Variants in AFG3L2 observed in about 807,000 individuals in gnomAD.
The protein encoded by AFG3L2 is mitochondrial inner membrane m-AAA protease component AFG3L2.
A neutral mutation model predicts 94.5 loss-of-function variants in AFG3L2; 54 were observed. That is an observed-to-expected ratio of 0.57 (90% CI 0.46 to 0.72). The LOEUF (loss-of-function observed/expected upper bound fraction) is 0.72. Ranked by LOEUF, AFG3L2 falls within the 30% of genes least tolerant of loss-of-function variation. The pLI is 0.00. For missense variants in AFG3L2, 754 were observed against 994.9 expected (o/e 0.76, Z 3.26); for synonymous variants, 377 against 365.5 (o/e 1.03, Z -0.36).
chr18:12,345,957 A>G (rs1056512238), intron 13 of AFG3L2, among the ~76,000 whole-genome samples: 1 of 152,162 alleles, frequency 6.6e-6, no homozygotes, highest in Non-Finnish European at 1.5e-5. Context: ...ACCAGCCTCT[A>G]TGTCCTCACT....
intron 1 of AFG3L2, among the ~76,000 whole-genome samples, chr18:12,373,152 G>C (rs1400868727): frequency 6.6e-6 from 1 of 152,234 alleles, no homozygotes; most frequent in Non-Finnish European, 1.5e-5. Context: ...TTTTGTCTGA[G>C]TGCAATACTG....
At chr18:12,331,808 A>AATAT (rs35558132) in intron 16 of AFG3L2, among the ~76,000 whole-genome samples, 28 of 146,380 alleles carry the variant, frequency 1.9e-4, no homozygotes, top group African/African-American at 6.9e-4. Context: ...TAAATAAATA[A>AATAT]ATATATATAT....
At chr18:12,345,091 G>T (rs1025769326) in intron 13 of AFG3L2, among the ~76,000 whole-genome samples, 1 of 152,212 alleles carries the variant, frequency 6.6e-6, no homozygotes, top group African/African-American at 2.4e-5. Flanking sequence ...AACACCCGGA[G>T]CTACCTAGGT....
Position 12,367,126 on chromosome 18 carries a change from A to G in AFG3L2, c.400-9T>C. ...TCCCATGGAATGTCACCCTGGGCAG[A>G]GAGGGAGACAGCTTCTGTGAAGAAT... On this transcript the variant is annotated splice_polypyrimidine_tract_variant and intron_variant, in intron 4 of 16. Coordinates refer to ENST00000269143, the MANE Select transcript of AFG3L2 (RefSeq NM_006796.3). 3 of 1,614,204 alleles carry G rather than the reference A, an allele frequency of 1.9e-6. No individual in the cohort carries two copies. Among genetic ancestry groups the G allele is most frequent in the Non-Finnish European group, 2.5e-6 (3 of 1,180,026 alleles).
In AFG3L2 at chr18:12,337,430, A is replaced by G. The variant is rs183598373; in HGVS notation, c.2086T>C (p.Leu696=). 7.4e-6 allele frequency: 12 copies of G among 1,614,010 alleles called. No individual in the cohort carries two copies. In the East Asian group the frequency reaches 2.2e-4, roughly 30 times the overall value. The change falls in exon 16 of 17, where the codon TTG becomes CTG. Residue 696 remains leucine (L), a synonymous_variant. Transcript: ENST00000269143. ...AGTATTCGTACTTCATCATCTATCA[A>G]TCTTGCAGTGGCTTCACTGTAAGGT... The part of the protein sequence containing the change: ...EKPYSEATAR[L]IDDEVRILIN...
intron 14 of AFG3L2, chr18:12,342,928 A>G (rs1469008560): frequency 1.3e-5 from 2 of 152,124 alleles, no homozygotes; most frequent in Non-Finnish European, 2.9e-5. Flanking sequence ...TAATACTGGG[A>G]TGAGTAACTT....
At chr18:12,359,444 A>G (rs951937677) in intron 7 of AFG3L2, among the ~76,000 whole-genome samples, 6 of 152,140 alleles carry the variant, frequency 3.9e-5, no homozygotes, top group Non-Finnish European at 7.4e-5. Flanking sequence ...TAAAAATAAA[A>G]ATAAAGATAA....
rs759177323 is a variant in AFG3L2 at position 12,337,553 on chromosome 18, AGTG to A, written c.1981-21_1981-19del. 6.2e-7 allele frequency: 1 copy of A among 1,611,948 alleles called. No individual in the cohort carries two copies. The highest frequency in any genetic ancestry group is 8.5e-7 in the Non-Finnish European group (1 of 1,178,050). On this transcript the variant is annotated intron_variant, in intron 15 of 16. Coordinates refer to ENST00000269143, the MANE Select transcript of AFG3L2 (RefSeq NM_006796.3). ...TGAACAATCTGAAAAATACATAATTAGTGGTGATTACATATGATTGTTCTTTAA... is the reference window on the plus strand; with the variant it reads ...TGAACAATCTGAAAAATACATAATTAGTGATTACATATGATTGTTCTTTAA...
intron 3 of AFG3L2, among the ~76,000 whole-genome samples, chr18:12,369,758 C>T (rs1463578480): frequency 6.7e-6 from 1 of 148,446 alleles, no homozygotes; most frequent in African/African-American, 2.5e-5. Context: ...TTACATTTCC[C>T]TAAAAAAGCA....
At chr18:12,349,188 G>A (rs1908234938) in intron 12 of AFG3L2, among the ~76,000 whole-genome samples, 1 of 152,176 alleles carries the variant, frequency 6.6e-6, no homozygotes, top group South Asian at 2.1e-4. Context: ...CTAGTCATTA[G>A]AGAAGTGCAA....
intron 16 of AFG3L2, among the ~76,000 whole-genome samples, chr18:12,332,940 C>CATATATAACATATACTATATAAT (rs1568131835): frequency 1.8e-5 from 2 of 112,202 alleles, no homozygotes; most frequent in Admixed American, 1.2e-4. Flanking sequence ...TACTATATAA[C>CATATATAACATATACTATATAAT]ATATAATATA....
intron 8 of AFG3L2, among the ~76,000 whole-genome samples, chr18:12,358,156 AG>A (rs903561220): frequency 2.0e-5 from 3 of 152,228 alleles, no homozygotes; most frequent in Non-Finnish European, 4.4e-5. Context: ...GCCTAGCCCT[AG>A]GGGCACCAAG....
chr18:12,374,557 C>G (rs542240038), intron 1 of AFG3L2, among the ~76,000 whole-genome samples: 2 of 152,216 alleles, frequency 1.3e-5, no homozygotes, highest in East Asian at 3.9e-4. Context: ...GTATCAGGAC[C>G]GCGAACCCCC....
At chr18:12,362,780 G>A (rs1351502810) in intron 6 of AFG3L2, among the ~76,000 whole-genome samples, 1 of 143,868 alleles carries the variant, frequency 7.0e-6, no homozygotes, top group Non-Finnish European at 1.5e-5. Context: ...CAATGTGTGA[G>A]AGGACGTCCT....
chr18:12,329,475 C>T lies in AFG3L2; in HGVS notation c.*90G>A, dbSNP rs1158094045. ...GGCCAGTGGCTGGCTAAAATCAGCG[C>T]AGCATTCCCATTCTTCTGAAAGCCA... On this transcript the variant is annotated 3_prime_UTR_variant, in exon 17 of 17. Transcript: ENST00000269143. 8 of 1,355,400 alleles carry T rather than the reference C, an allele frequency of 5.9e-6. No individual in the cohort carries two copies. The highest frequency in any genetic ancestry group is 8.5e-6 in the Non-Finnish European group (8 of 946,678). The allele number at this position is 1,355,400 out of a possible 1,614,324, so 84.0% of individuals were successfully genotyped here. A position where few individuals can be genotyped will look rare whatever the true frequency, so the allele number is the denominator to read the frequency against.
intron 5 of AFG3L2, among the ~76,000 whole-genome samples, chr18:12,365,380 G>A (rs1411734897): frequency 6.6e-6 from 1 of 152,116 alleles, no homozygotes; most frequent in Non-Finnish European, 1.5e-5. Context: ...CTTCTGAGTG[G>A]GAGTCCCCAC....
At position 12,358,784 on chromosome 18, in the gene AFG3L2, A is replaced by G. The variant is rs748083965; in HGVS notation, c.912T>C (p.Asp304=). The part of the protein sequence containing the change: ...TTAKVLKDEI[D]VKFKDVAGCE... ...AGCCAGCCACATCTTTGAACTTCACATCAATTTCATCCTTTAAGACCTTGG... is the reference window on the plus strand; with the variant it reads ...AGCCAGCCACATCTTTGAACTTCACGTCAATTTCATCCTTTAAGACCTTGG... Residue 304 remains aspartate, a synonymous_variant, in exon 8 of 17, where the codon GAT becomes GAC. Transcript: ENST00000269143. 4 of 1,614,242 alleles carry G rather than the reference A, an allele frequency of 2.5e-6. No homozygotes were observed. The highest frequency in any genetic ancestry group is 2.2e-5 in the South Asian group (2 of 91,090).
intron 6 of AFG3L2, among the ~76,000 whole-genome samples, chr18:12,363,174 C>T (rs1908711591): frequency 6.6e-6 from 1 of 152,134 alleles, no homozygotes; most frequent in South Asian, 2.1e-4. Context: ...AATGGTTAAA[C>T]ACAATTATCC....
intron 16 of AFG3L2, among the ~76,000 whole-genome samples, chr18:12,331,726 G>A (rs545521601): frequency 3.3e-5 from 5 of 151,992 alleles, no homozygotes; most frequent in South Asian, 4.2e-4. Context: ...CCCAGGAGGC[G>A]GAGGTTGCAG....
Sources: allele counts gnomAD v4.1 joint callset (sites outside exome capture counted in the v4.1 genomes callset), GRCh38; gene constraint gnomAD v4.1.1; transcripts MANE v1.5; gene names NCBI Gene and HGNC (gene_info 2026-07-23, HGNC 2026-07-21).